FBXL7: variants seen among roughly 807,000 people sequenced by gnomAD.
FBXL7 encodes the protein F-box and leucine rich repeat protein 7.
FBXL7 carries 12 observed loss-of-function variants against 38.3 expected under a neutral mutation model. The ratio of observed to expected loss-of-function variants is 0.31; its 90% CI spans 0.20 to 0.51. The LOEUF (loss-of-function observed/expected upper bound fraction) is 0.51. FBXL7 is among the 20% of genes least tolerant of loss of function. FBXL7 has a pLI of 0.98. For missense variants in FBXL7, 567 were observed against 676.4 expected (o/e 0.84, Z 1.79); for synonymous variants, 297 against 300.9 (o/e 0.99, Z 0.13).
chr5:15,641,208 G>T (rs1324448310), intron 2 of FBXL7, among the ~76,000 whole-genome samples: 1 of 152,312 alleles, frequency 6.6e-6, no homozygotes, highest in East Asian at 1.9e-4. Flanking sequence ...GGGACTCCTG[G>T]AGTTGACCTA....
intron 1 of FBXL7, among the ~76,000 whole-genome samples, chr5:15,542,973 TC>T (rs1737797887): frequency 6.6e-6 from 1 of 152,178 alleles, no homozygotes; most frequent in Non-Finnish European, 1.5e-5. Context: ...AGTTGTCCTT[TC>T]CATGCTGAAA....
At chr5:15,812,442 A>T (rs1185467238) in intron 2 of FBXL7, among the ~76,000 whole-genome samples, 1 of 152,172 alleles carries the variant, frequency 6.6e-6, no homozygotes, top group African/African-American at 2.4e-5. Flanking sequence ...CCACCGTGGC[A>T]CATGTATACC....
At chr5:15,788,107 C>T (rs907219612) in intron 2 of FBXL7, among the ~76,000 whole-genome samples, 6 of 152,118 alleles carry the variant, frequency 3.9e-5, no homozygotes, top group South Asian at 4.2e-4. Context: ...GCCTTCTTCC[C>T]GGTGTGTCTC....
chr5:15,760,836 A>C (rs998175787), intron 2 of FBXL7, among the ~76,000 whole-genome samples: 1 of 152,206 alleles, frequency 6.6e-6, no homozygotes, highest in African/African-American at 2.4e-5. Flanking sequence ...ATTTGGATCA[A>C]TAAGTATATT....
intron 2 of FBXL7, among the ~76,000 whole-genome samples, chr5:15,701,758 G>T (rs1743531199): frequency 6.6e-6 from 1 of 151,990 alleles, no homozygotes; most frequent in African/African-American, 2.4e-5. Context: ...CATGGAATGA[G>T]GTTTTTTATC....
chr5:15,533,950 C>A (rs944114135), intron 1 of FBXL7, among the ~76,000 whole-genome samples: 42 of 151,978 alleles, frequency 2.8e-4, no homozygotes, highest in East Asian at 1.9e-3. Flanking sequence ...CCTTTTTTTC[C>A]CCCTTTTTTG....
At chr5:15,672,145 G>T (rs989074189) in intron 2 of FBXL7, among the ~76,000 whole-genome samples, 2 of 152,016 alleles carry the variant, frequency 1.3e-5, no homozygotes, top group East Asian at 3.9e-4. Flanking sequence ...GCCTTTTAGG[G>T]AAAGAAAAAG....
intron 2 of FBXL7, among the ~76,000 whole-genome samples, chr5:15,768,950 A>G (rs1207915744): frequency 6.6e-6 from 1 of 152,274 alleles, no homozygotes; most frequent in Admixed American, 6.5e-5. Context: ...AATTGAGTCA[A>G]TAAGACATAT....
chr5:15,536,481 G>A (rs1737588379), intron 1 of FBXL7, among the ~76,000 whole-genome samples: 1 of 152,216 alleles, frequency 6.6e-6, no homozygotes, highest in Admixed American at 6.5e-5. Flanking sequence ...TTGCATCAGT[G>A]TGCCCTGGAT....
At chr5:15,864,901 G>A (rs1461511789) in intron 2 of FBXL7, among the ~76,000 whole-genome samples, 2 of 152,178 alleles carry the variant, frequency 1.3e-5, no homozygotes, top group African/African-American at 2.4e-5. Flanking sequence ...AACTTAAGAT[G>A]GAGTCTATTG....
intron 2 of FBXL7, among the ~76,000 whole-genome samples, chr5:15,844,111 G>T (rs755257348): frequency 1.3e-5 from 2 of 152,094 alleles, no homozygotes; most frequent in East Asian, 1.9e-4. Flanking sequence ...AGCACAGGAG[G>T]GGGGACACAC....
intron 2 of FBXL7, among the ~76,000 whole-genome samples, chr5:15,814,958 A>T (rs1737976051): frequency 6.6e-6 from 1 of 152,092 alleles, no homozygotes; most frequent in Non-Finnish European, 1.5e-5. Context: ...CCTCTCCCTG[A>T]TCCTAAGCAG....
chr5:15,599,458 C>G (rs76099274), intron 1 of FBXL7, among the ~76,000 whole-genome samples: 13,308 of 152,182 alleles, frequency 0.087, 680 homozygotes, highest in South Asian at 0.12. Context: ...GCTAAAAACC[C>G]TATCTTATCC....
chr5:15,790,711 T>A (rs1737251073), intron 2 of FBXL7, among the ~76,000 whole-genome samples: 1 of 152,204 alleles, frequency 6.6e-6, no homozygotes, highest in Admixed American at 6.5e-5. Flanking sequence ...GCAGCTTCCC[T>A]GACATTTATT....
At chr5:15,909,554 G>T (rs1271984842) in intron 2 of FBXL7, among the ~76,000 whole-genome samples, 2 of 34,958 alleles carry the variant, frequency 5.7e-5, no homozygotes, top group Admixed American at 1.7e-4. Context: ...GTTATTTCTT[G>T]CCTTCTGCTA....
At chr5:15,930,381 C>T (rs1027105692) in intron 3 of FBXL7, among the ~76,000 whole-genome samples, 1 of 152,132 alleles carries the variant, frequency 6.6e-6, no homozygotes, top group Non-Finnish European at 1.5e-5. Flanking sequence ...ATAAACATTT[C>T]ATTTTCTTTT....
intron 1 of FBXL7, among the ~76,000 whole-genome samples, chr5:15,513,999 C>T (rs997779252): frequency 6.6e-5 from 10 of 152,186 alleles, no homozygotes; most frequent in African/African-American, 2.4e-4. Context: ...GGGAGTCTTT[C>T]TGCACTCCTA....
chr5:15,812,348 G>T (rs1213096834), intron 2 of FBXL7, among the ~76,000 whole-genome samples: 1 of 152,068 alleles, frequency 6.6e-6, no homozygotes, highest in Non-Finnish European at 1.5e-5. Flanking sequence ...GGAAATGGGG[G>T]ACAAGTGGGA....
intron 2 of FBXL7, among the ~76,000 whole-genome samples, chr5:15,904,676 T>TA (rs996567993): frequency 1.1e-4 from 16 of 152,084 alleles, no homozygotes; most frequent in Middle Eastern, 3.2e-3. Context: ...AATTTTTCCC[T>TA]AAAAAAATCT....
Sources: allele counts gnomAD v4.1 joint callset (sites outside exome capture counted in the v4.1 genomes callset), GRCh38; gene constraint gnomAD v4.1.1; transcripts MANE v1.5; gene names NCBI Gene and HGNC (gene_info 2026-07-23, HGNC 2026-07-21).